Variants in DPYSL4 observed in about 807,000 individuals in gnomAD.
DPYSL4 encodes the protein dihydropyrimidinase-related protein 4.
Under a neutral mutation model 63.4 loss-of-function variants are expected in DPYSL4, and 43 were observed. The observed-to-expected ratio is 0.68, with a 90% CI of 0.53 to 0.88. The LOEUF (loss-of-function observed/expected upper bound fraction) is 0.88, where lower values mean the gene tolerates loss of function less well. DPYSL4 is among the 40% of genes least tolerant of loss of function. DPYSL4 has a pLI of 0.00. For missense variants in DPYSL4, 733 were observed against 819.5 expected (o/e 0.89, Z 1.29); for synonymous variants, 353 against 331.7 (o/e 1.06, Z -0.70).
Position 132,197,031 on chromosome 10 carries a change from T to C in DPYSL4, c.551T>C (p.Ile184Thr). The change falls in exon 6 of 14, where the codon ATC (isoleucine) becomes ACC (threonine). Residue 184 changes from isoleucine to threonine, a missense_variant. By Grantham distance (89) the Ile-to-Thr change is moderately conservative (BLOSUM62 -1). Coordinates refer to ENST00000338492, the MANE Select transcript of DPYSL4 (RefSeq NM_006426.3). The stretch of plus-strand genomic sequence containing the variant: ...CACTTCTCTTCCCAGATGTACGAGA[T>C]CTTCAGCATCATCCGGGACCTGGGG... ...CQCSDSQMYEIFSIIRDLGAL... is the reference protein window; with the variant it reads ...CQCSDSQMYETFSIIRDLGAL... 1 of 1,604,442 alleles carries C rather than the reference T, an allele frequency of 6.2e-7. No homozygotes were observed. Among genetic ancestry groups the C allele is most frequent in the Non-Finnish European group, 8.5e-7 (1 of 1,174,474 alleles).
rs1485966428 is a variant in DPYSL4 at position 132,202,831 on chromosome 10, G to A, written c.1461+6G>A. ...GGATCAAAGCTCGCAACAGGGTAGG[G>A]CGGCACCCGCAAGGGTGTTGTGCAG... On this transcript the variant is annotated splice_donor_region_variant and intron_variant, in intron 12 of 13. Coordinates refer to ENST00000338492, the MANE Select transcript of DPYSL4 (RefSeq NM_006426.3). The A allele has an allele frequency of 2.5e-6, 4 of 1,582,196 alleles. No homozygotes were observed. The highest frequency in any genetic ancestry group is 2.6e-6 in the Non-Finnish European group (3 of 1,162,894).
chr10:132,190,485 C>A (rs920700475), intron 1 of DPYSL4, among the ~76,000 whole-genome samples: 1 of 152,266 alleles, frequency 6.6e-6, no homozygotes, highest in Admixed American at 6.5e-5. Flanking sequence ...CACTACCACA[C>A]TTTCACCAAC....
intron 10 of DPYSL4, among the ~76,000 whole-genome samples, chr10:132,201,558 C>G (rs1426286062): frequency 6.6e-6 from 1 of 152,250 alleles, no homozygotes; most frequent in Non-Finnish European, 1.5e-5. Flanking sequence ...CAGCAGGCAT[C>G]ACTGAGATGG....
Position 132,200,974 on chromosome 10 carries a change from G to A in DPYSL4, c.1101G>A (p.Glu367=). ...GIEERMSMVW[E]KCVASGKMDE... The stretch of plus-strand genomic sequence containing the variant: ...AGGAGCGCATGTCGATGGTCTGGGA[G>A]AAATGTGTGGTGAGCACAGGCCTGG... The change falls in exon 10 of 14, where the codon GAG becomes GAA. Residue 367 remains glutamate (E), a synonymous_variant. Transcript: ENST00000338492. The A allele has an allele frequency of 6.2e-7, 1 of 1,613,120 alleles. No homozygotes were observed.
intron 3 of DPYSL4, 79 bp downstream of exon 3, chr10:132,192,921 G>A: frequency 1.4e-6 from 2 of 1,429,624 alleles, no homozygotes; most frequent in Non-Finnish European, 1.9e-6. Context: ...TGTGTGGGAG[G>A]AGGAGTGTCG....
intron 8 of DPYSL4, among the ~76,000 whole-genome samples, chr10:132,199,265 G>A (rs2061982265): frequency 6.6e-6 from 1 of 152,142 alleles, no homozygotes; most frequent in South Asian, 2.1e-4. Context: ...GAATGATGAG[G>A]AGGGTCTCCA....
intron 6 of DPYSL4, 36 bp from the exon 7 acceptor site, chr10:132,198,379 A>C (rs2061971175): frequency 6.3e-7 from 1 of 1,584,124 alleles, no homozygotes; most frequent in South Asian, 1.2e-5. Context: ...GGCTCCCTTC[A>C]GGGCTTGGAG....
rs2062079858 is a variant in DPYSL4 at position 132,205,131 on chromosome 10, C to G, written c.*201C>G. The G allele has an allele frequency of 2.3e-6, 1 of 429,732 alleles. No homozygotes were observed. The highest frequency in any genetic ancestry group is 4.1e-6 in the Non-Finnish European group (1 of 242,710). The allele number at this position is 429,732 out of a possible 1,614,324, so 26.6% of individuals were successfully genotyped here. A position where few individuals can be genotyped will look rare whatever the true frequency, so the allele number is the denominator to read the frequency against. On this transcript the variant is annotated 3_prime_UTR_variant, in exon 14 of 14. Transcript: ENST00000338492. Reference sequence around the variant, plus strand: ...AGAGCCCCTCAAGAGAAGGGCTGAACCTGGGGAGATGTCACTGCCAGGGTG... The same window carrying G: ...AGAGCCCCTCAAGAGAAGGGCTGAAGCTGGGGAGATGTCACTGCCAGGGTG...
In DPYSL4 at chr10:132,200,927, C is replaced by T. The variant is rs761376632; in HGVS notation, c.1054C>T (p.Pro352Ser). 6.2e-7 allele frequency: 1 copy of T among 1,613,306 alleles called. No individual in the cohort carries two copies. The highest frequency in any genetic ancestry group is 8.5e-7 in the Non-Finnish European group (1 of 1,179,964). The change falls in exon 10 of 14, where the codon CCC becomes TCC. Residue 352 changes from proline (P) to serine (S), a missense_variant. Transcript: ENST00000338492. ...GGGCAAGGACAACTTCGCGCTGATCCCCGAGGGCACCAACGGCATTGAGGA... is the reference window on the plus strand; with the variant it reads ...GGGCAAGGACAACTTCGCGCTGATCTCCGAGGGCACCAACGGCATTGAGGA... ...AVGKDNFALIPEGTNGIEERM... is the reference protein window; with the variant it reads ...AVGKDNFALISEGTNGIEERM...
rs778395662 is a variant in DPYSL4 at position 132,202,686 on chromosome 10, G to C, written c.1322G>C (p.Gly441Ala). The C allele has an allele frequency of 1.2e-6, 2 of 1,613,246 alleles. No homozygotes were observed. Among genetic ancestry groups the C allele is most frequent in the African/African-American group, 1.3e-5 (1 of 75,060 alleles). ...YNIFEGVECRGAPAVVISQGR... is the reference protein window; with the variant it reads ...YNIFEGVECRAAPAVVISQGR... ...ATCTTCGAGGGAGTGGAGTGCCGGG[G>C]AGCGCCTGCCGTGGTCATAAGTCAG... The change falls in exon 12 of 14, where the codon GGA becomes GCA. Residue 441 changes from glycine (G) to alanine (A), a missense_variant. Coordinates refer to ENST00000338492, the MANE Select transcript of DPYSL4 (RefSeq NM_006426.3).
At chr10:132,192,968 C>T (rs1590091902) in intron 3 of DPYSL4, 126 bp downstream of exon 3, 1 of 971,306 alleles carries the variant, frequency 1.0e-6, no homozygotes, top group East Asian at 2.8e-5. Flanking sequence ...GCCTTTATTG[C>T]ATCTGTCTGA....
Position 132,205,170 on chromosome 10 carries a change from T to C in DPYSL4, c.*240T>C. 1 of 361,428 alleles carries C rather than the reference T, an allele frequency of 2.8e-6. No homozygotes were observed. The highest frequency in any genetic ancestry group is 1.0e-4 in the South Asian group (1 of 9,878). The allele number at this position is 361,428 out of a possible 1,614,324, so 22.4% of individuals were successfully genotyped here. On this transcript the variant is annotated 3_prime_UTR_variant, in exon 14 of 14. Coordinates refer to ENST00000338492, the MANE Select transcript of DPYSL4 (RefSeq NM_006426.3). ...ACTGCCAGGGTGAGGTGGAGCCACA[T>C]GGCAGGGACAATGCCGGCAGCCTGA...
chr10:132,200,469 C>T lies in DPYSL4; in HGVS notation c.925C>T (p.Pro309Ser), dbSNP rs201998023. 3.5e-5 allele frequency: 56 copies of T among 1,613,304 alleles called. No homozygotes were observed. Among genetic ancestry groups the T allele is most frequent in the Non-Finnish European group, 4.7e-5 (55 of 1,179,924 alleles). ...AAFVTSPPVN[P>S]DPTTADHLTC... ...CTTCGTCACATCACCCCCTGTCAAC[C>T]CAGACCCCACCACGGCGGACCACCT... is the stretch of plus-strand genomic sequence containing the variant. The change falls in exon 9 of 14, where the codon CCA becomes TCA. Residue 309 changes from proline (P) to serine (S), a missense_variant. By Grantham distance (74) the Pro-to-Ser change is moderately conservative (BLOSUM62 -1). Transcript: ENST00000338492.
chr10:132,203,809 C>A lies in DPYSL4; in HGVS notation c.1509C>A (p.Val503=). The A allele has an allele frequency of 6.2e-7, 1 of 1,612,572 alleles. No homozygotes were observed. Among genetic ancestry groups the A allele is most frequent in the African/African-American group, 1.3e-5 (1 of 75,054 alleles). ...CCCGTGGACTGTATGACGGGCCCGT[C>A]CACGAGGTGATGGTGCCTGCCAAGC... ...GVPRGLYDGP[V]HEVMVPAKPG... Residue 503 remains valine (V), a synonymous_variant, in exon 13 of 14, where the codon GTC becomes GTA. Coordinates refer to ENST00000338492, the MANE Select transcript of DPYSL4 (RefSeq NM_006426.3).
chr10:132,194,395 C>G (rs1029482756), intron 3 of DPYSL4, among the ~76,000 whole-genome samples: 1 of 152,304 alleles, frequency 6.6e-6, no homozygotes, highest in East Asian at 1.9e-4. Context: ...GTGGGGCACT[C>G]GGGAAACCAG....
Position 132,205,039 on chromosome 10 carries a change from G to A in DPYSL4, c.*109G>A, listed in dbSNP as rs2062078236. On this transcript the variant is annotated 3_prime_UTR_variant, in exon 14 of 14. Transcript: ENST00000338492. ...TTTCTTTTGTAGAAGTTTCTCGAAG[G>A]TGCTTGGCGGTCTTGCCTTCCCCCT... The A allele has an allele frequency of 2.3e-6, 2 of 882,034 alleles. No homozygotes were observed. Among genetic ancestry groups the A allele is most frequent in the Non-Finnish European group, 1.7e-6 (1 of 603,876 alleles). The allele number at this position is 882,034 out of a possible 1,614,324, so 54.6% of individuals were successfully genotyped here.
rs940899072 is a variant in DPYSL4, at chr10:132,192,506, C to G, written c.129-152C>G. ...GTGATGCTTTGCTCCCTGGCACTCC[C>G]GAGGAGCTAGTCCAGTGAGTGGCCG... On this transcript the variant is annotated intron_variant, in intron 2 of 13. Transcript: ENST00000338492. The G allele has an allele frequency of 1.2e-5, 17 of 1,399,388 alleles. No individual in the cohort carries two copies. In the African/African-American group the frequency reaches 2.0e-4, roughly 17 times the overall value. The allele number at this position is 1,399,388 out of a possible 1,614,324, so 86.7% of individuals were successfully genotyped here. A position where few individuals can be genotyped will look rare whatever the true frequency, so the allele number is the denominator to read the frequency against.
Position 132,194,892 on chromosome 10 carries a change from G to A in DPYSL4, c.361G>A (p.Glu121Lys), listed in dbSNP as rs571463569. Residue 121 changes from glutamate (E) to lysine (K), a missense_variant, in exon 4 of 14, where the codon GAG (glutamate) becomes AAG (lysine). Physicochemically the swap from Glu to Lys is moderately conservative, Grantham distance 56. Coordinates refer to ENST00000338492, the MANE Select transcript of DPYSL4 (RefSeq NM_006426.3). ...DTGVSLLAAYEQWRERADSAA... is the reference protein window; with the variant it reads ...DTGVSLLAAYKQWRERADSAA... ...GGGTGTGAGCCTGCTGGCGGCCTAC[G>A]AGCAGTGGCGGGAGCGGGCGGACAG... The A allele has an allele frequency of 2.2e-5, 35 of 1,612,860 alleles. No individual in the cohort carries two copies. Among genetic ancestry groups the A allele is most frequent in the South Asian group, 1.9e-4 (17 of 91,060 alleles).
In DPYSL4 at chr10:132,198,458, G is replaced by A. The variant is rs1290049698; in HGVS notation, c.665G>A (p.Gly222Asp). ...LLELGITGPE[G>D]HVLSHPEEVE... The stretch of plus-strand genomic sequence containing the variant: ...GAGCTCGGCATCACTGGCCCCGAGG[G>A]CCACGTGCTCAGCCACCCCGAGGAG... The change falls in exon 7 of 14, where the codon GGC becomes GAC. Residue 222 changes from glycine to aspartate, a missense_variant. Coordinates refer to ENST00000338492, the MANE Select transcript of DPYSL4 (RefSeq NM_006426.3). 7 of 1,606,266 alleles carry A rather than the reference G, an allele frequency of 4.4e-6. No homozygotes were observed. The highest frequency in any genetic ancestry group is 4.2e-6 in the Non-Finnish European group (5 of 1,178,216).
Sources: gnomAD v4.1 joint callset for allele counts (sites outside exome capture counted in the v4.1 genomes callset) on GRCh38, gnomAD v4.1.1 for gene constraint, MANE v1.5 for transcripts, NCBI Gene and HGNC (gene_info 2026-07-23, HGNC 2026-07-21) for gene names.